ACVR1: variants seen among roughly 807,000 people sequenced by gnomAD.
ACVR1 encodes the protein activin A receptor type 1.
Under a neutral mutation model 57.1 loss-of-function variants are expected in ACVR1, and 38 were observed. The ratio of observed to expected loss-of-function variants is 0.67; its 90% CI spans 0.51 to 0.87. The LOEUF is 0.87. Ranked by LOEUF, ACVR1 falls within the 40% of genes least tolerant of loss-of-function variation. The pLI is 0.00. For missense variants in ACVR1, 463 were observed against 638.2 expected (o/e 0.73, Z 2.96); for synonymous variants, 212 against 228.1 (o/e 0.93, Z 0.63).
chr2:157,776,799 G>C (rs1272616944), intron 5 of ACVR1, among the ~76,000 whole-genome samples: 1 of 152,254 alleles, frequency 6.6e-6, no homozygotes, highest in Non-Finnish European at 1.5e-5. Flanking sequence ...CAGGGCAAGT[G>C]TAACTGCAGA....
intron 3 of ACVR1, among the ~76,000 whole-genome samples, chr2:157,786,535 T>C (rs1686716983): frequency 6.6e-6 from 1 of 152,218 alleles, no homozygotes. Flanking sequence ...CTAGAAGAGC[T>C]TGCCATACCA....
intron 1 of ACVR1, among the ~76,000 whole-genome samples, chr2:157,866,277 AC>A (rs1461761342): frequency 6.6e-6 from 1 of 152,180 alleles, no homozygotes; most frequent in Non-Finnish European, 1.5e-5. Flanking sequence ...TACAACACTC[AC>A]ATCTGAGACA....
At chr2:157,869,823 C>A (rs1207601562) in intron 1 of ACVR1, among the ~76,000 whole-genome samples, 2 of 152,206 alleles carry the variant, frequency 1.3e-5, no homozygotes, top group South Asian at 2.1e-4. Flanking sequence ...GCACTGGGCA[C>A]ATGTGTCCCT....
At chr2:157,745,815 T>A (rs1439572214) in intron 9 of ACVR1, among the ~76,000 whole-genome samples, 1 of 152,216 alleles carries the variant, frequency 6.6e-6, no homozygotes, top group Non-Finnish European at 1.5e-5. Context: ...ATAGGAGTTG[T>A]CATGGTTTCC....
chr2:157,798,634 C>A lies in ACVR1; in HGVS notation c.67+793G>T, dbSNP rs142534408. 1.0e-3 allele frequency among the ~76,000 whole-genome samples: 156 copies of A among 150,660 alleles called. 1 individual carries two copies. The East Asian group carries it at 0.028, about 27-fold the overall frequency. The stretch of plus-strand genomic sequence containing the variant: ...CCTCCGCCTCCCAGGTTCAAGCGAT[C>A]CTCCCACCTCAGCCTCCCAAGTATC... On this transcript the variant is annotated intron_variant, in intron 3 of 10. Transcript: ENST00000434821.
At chr2:157,802,120 T>TC (rs756989782) in intron 2 of ACVR1, among the ~76,000 whole-genome samples, 27 of 152,288 alleles carry the variant, frequency 1.8e-4, no homozygotes, top group Non-Finnish European at 3.7e-4. Flanking sequence ...GTGCAGAGGT[T>TC]CCCTGGGGAG....
At chr2:157,770,067 G>A (rs1185207039) in intron 7 of ACVR1, among the ~76,000 whole-genome samples, 1 of 152,192 alleles carries the variant, frequency 6.6e-6, no homozygotes, top group African/African-American at 2.4e-5. Context: ...AACAACCAAT[G>A]AGCCTTGAAG....
chr2:157,826,833 G>C (rs1195337031), intron 1 of ACVR1, among the ~76,000 whole-genome samples: 1 of 126,724 alleles, frequency 7.9e-6, no homozygotes, highest in African/African-American at 3.2e-5. Context: ...AGAGGGGAGA[G>C]GGGAGAGGGG....
chr2:157,855,846 C>CT (rs925652617), intron 1 of ACVR1, among the ~76,000 whole-genome samples: 2 of 151,950 alleles, frequency 1.3e-5, no homozygotes, highest in South Asian at 2.1e-4. Context: ...CTGACTCATA[C>CT]TTTTTTTTCC....
intron 1 of ACVR1, among the ~76,000 whole-genome samples, chr2:157,819,076 T>C (rs1416774733): frequency 6.5e-5 from 2 of 30,816 alleles, no homozygotes; most frequent in African/African-American, 3.5e-4. Context: ...AGACTCCGTC[T>C]CAAAAAAAAA....
At chr2:157,853,268 A>G (rs1689387413) in intron 1 of ACVR1, among the ~76,000 whole-genome samples, 1 of 152,208 alleles carries the variant, frequency 6.6e-6, no homozygotes, top group East Asian at 1.9e-4. Context: ...TCTAGAGGCT[A>G]GAAGTCCAAG....
intron 1 of ACVR1, among the ~76,000 whole-genome samples, chr2:157,849,316 ACTCT>A (rs1048810774): frequency 6.6e-6 from 1 of 152,198 alleles, no homozygotes; most frequent in South Asian, 2.1e-4. Flanking sequence ...ATTGTTTCAA[ACTCT>A]CTATCAATAT....
intron 9 of ACVR1, among the ~76,000 whole-genome samples, chr2:157,742,969 C>G (rs2105223976): frequency 6.6e-6 from 1 of 152,218 alleles, no homozygotes; most frequent in African/African-American, 2.4e-5. Flanking sequence ...CCCTCCTCTG[C>G]ATGTTTTCCA....
At chr2:157,834,144 T>C (rs543400538) in intron 1 of ACVR1, among the ~76,000 whole-genome samples, 2 of 152,196 alleles carry the variant, frequency 1.3e-5, no homozygotes, top group Admixed American at 1.3e-4. Context: ...CAGGCTGGAG[T>C]GCAGTGGCGT....
At chr2:157,804,178 AG>A (rs977147608) in intron 2 of ACVR1, among the ~76,000 whole-genome samples, 1 of 152,222 alleles carries the variant, frequency 6.6e-6, no homozygotes, top group Non-Finnish European at 1.5e-5. Flanking sequence ...CAACACTTCA[AG>A]TAACTGCCTT....
At chr2:157,844,485 C>T (rs998215251) in intron 1 of ACVR1, among the ~76,000 whole-genome samples, 14 of 151,980 alleles carry the variant, frequency 9.2e-5, no homozygotes, top group African/African-American at 2.9e-4. Context: ...AAGTACAGTA[C>T]CAGAAATTAA....
rs575243300 is a variant in ACVR1, at chr2:157,758,748, C to G, written c.1264+2132G>C. ...TTTTATCCAACAGCTACAGACTACA[C>G]ATTATTCTCATCAGCACATGAATAG... On this transcript the variant is annotated intron_variant, in intron 9 of 10. Coordinates refer to ENST00000434821, the MANE Select transcript of ACVR1 (RefSeq NM_001111067.4). Among the ~76,000 whole-genome samples, 6 of 152,064 alleles carry G rather than the reference C, an allele frequency of 3.9e-5. No homozygotes were observed. In the East Asian group the frequency reaches 1.2e-3, roughly 29 times the overall value.
chr2:157,770,273 A>G (rs1161122868), intron 7 of ACVR1, 95 bp downstream of exon 7: 2 of 1,388,786 alleles, frequency 1.4e-6, no homozygotes, highest in African/African-American at 2.8e-5. Flanking sequence ...TTTAGGAGAC[A>G]CTCTCGAATT....
chr2:157,863,336 C>CTTTTTTTTTTTT lies in ACVR1; in HGVS notation c.-183+12448_-183+12459dup, dbSNP rs1161335923. Among the ~76,000 whole-genome samples, 22 of 35,686 alleles carry CTTTTTTTTTTTT rather than the reference C, an allele frequency of 6.2e-4. 4 individuals are homozygous for CTTTTTTTTTTTT. Among genetic ancestry groups the CTTTTTTTTTTTT allele is most frequent in the South Asian group, 2.6e-3 (1 of 390 alleles). The allele number at this position is 35,686 out of a possible 152,430, so 23.4% of individuals were successfully genotyped here. On this transcript the variant is annotated intron_variant, in intron 1 of 10. Coordinates refer to ENST00000434821, the MANE Select transcript of ACVR1 (RefSeq NM_001111067.4). ...CCTATAGAACAGTTAAATTGTTTCT[C>CTTTTTTTTTTTT]TTTTTTTTTTTTTTTTTTTTTTTTT... is the stretch of plus-strand genomic sequence containing the variant.
Sources: allele counts gnomAD v4.1 joint callset (sites outside exome capture counted in the v4.1 genomes callset), GRCh38; gene constraint gnomAD v4.1.1; transcripts MANE v1.5; gene names NCBI Gene and HGNC (gene_info 2026-07-23, HGNC 2026-07-21).